The following PADI1 variants were observed in gnomAD, a reference collection of about 807,000 sequenced individuals.
PADI1 encodes the protein peptidyl arginine deiminase 1, also known as protein-arginine deiminase type-1.
A neutral mutation model predicts 74.8 loss-of-function variants in PADI1; 65 were observed. The ratio of observed to expected loss-of-function variants is 0.87; its 90% CI spans 0.71 to 1.07. The LOEUF (loss-of-function observed/expected upper bound fraction) is 1.07. Among genes scored for constraint, PADI1 ranks in the 50% least tolerant of loss-of-function variants. PADI1 has a pLI of 0.00. For synonymous variants in PADI1, 371 were observed against 336.2 expected, an observed-to-expected ratio of 1.10 and a Z score of -1.13; for missense variants, 943 against 854.0, an observed-to-expected ratio of 1.10 and a Z score of -1.30.
Position 17,244,180 on chromosome 1 carries a change from C to G in PADI1, c.1929C>G (p.Ile643Met). 3 of 1,614,194 alleles carry G rather than the reference C, an allele frequency of 1.9e-6. No homozygotes were observed. The highest frequency in any genetic ancestry group is 2.5e-6 in the Non-Finnish European group (3 of 1,180,026). The change falls in exon 16 of 16, where the codon ATC becomes ATG. Residue 643 changes from isoleucine to methionine, a missense_variant. Ile to Met is a conservative substitution (Grantham distance 10). Coordinates refer to ENST00000375471, the MANE Select transcript of PADI1 (RefSeq NM_013358.3). ...CCTACCACGAGCTGCAGGGGGAGAT[C>G]CACTGTGGCACCAACGTGCGCAGGA... ...YLSYHELQGE[I>M]HCGTNVRRKP...
intron 1 of PADI1, among the ~76,000 whole-genome samples, chr1:17,212,647 A>T (rs1352830176): frequency 6.6e-6 from 1 of 152,166 alleles, no homozygotes; most frequent in Non-Finnish European, 1.5e-5. Context: ...ACGCAAAAGG[A>T]AAAGCTTTCT....
chr1:17,233,740 AC>A (rs1373644710), intron 11 of PADI1, among the ~76,000 whole-genome samples: 1 of 151,946 alleles, frequency 6.6e-6, no homozygotes, highest in South Asian at 2.1e-4. Flanking sequence ...GCCCCCACTT[AC>A]CCCCCAAGCC....
At chr1:17,220,747 G>A (rs2072124754) in intron 1 of PADI1, among the ~76,000 whole-genome samples, 1 of 152,226 alleles carries the variant, frequency 6.6e-6, no homozygotes, top group South Asian at 2.1e-4. Context: ...CAGAGTGTGA[G>A]CGCCACAGGC....
chr1:17,205,632 G>C lies in PADI1; in HGVS notation c.92+323G>C, dbSNP rs370372852. The stretch of plus-strand genomic sequence containing the variant: ...GCATTCTGACACCTAGGTAGAACTT[G>C]TGTGGAACATCAGATGGCTCAAGAT... On this transcript the variant is annotated intron_variant, in intron 1 of 15. Coordinates refer to ENST00000375471, the MANE Select transcript of PADI1 (RefSeq NM_013358.3). 3.9e-5 allele frequency among the ~76,000 whole-genome samples: 6 copies of C among 152,106 alleles called. No homozygotes were observed. In the East Asian group the frequency reaches 9.7e-4, roughly 24 times the overall value.
chr1:17,221,085 C>A (rs978515760), intron 1 of PADI1, among the ~76,000 whole-genome samples: 2 of 152,196 alleles, frequency 1.3e-5, no homozygotes, highest in African/African-American at 4.8e-5. Context: ...TCTGATGTAT[C>A]AGGTGAATGC....
chr1:17,207,827 G>C (rs988274354), intron 1 of PADI1, among the ~76,000 whole-genome samples: 2 of 152,258 alleles, frequency 1.3e-5, no homozygotes, highest in African/African-American at 4.8e-5. Context: ...TCACCTGGGT[G>C]TTGGTGGTGA....
chr1:17,223,233 G>A (rs777636019), intron 2 of PADI1, among the ~76,000 whole-genome samples: 1 of 152,152 alleles, frequency 6.6e-6, no homozygotes, highest in Non-Finnish European at 1.5e-5. Context: ...ATGGAGTGGG[G>A]GTTCTCATTC....
At chr1:17,224,852 G>A (rs966878716) in intron 4 of PADI1, among the ~76,000 whole-genome samples, 1 of 152,110 alleles carries the variant, frequency 6.6e-6, no homozygotes, top group African/African-American at 2.4e-5. Flanking sequence ...TGAAGAGTAA[G>A]GAGGAGGACA....
At position 17,228,725 on chromosome 1, in the gene PADI1, G is replaced by A. The variant is rs766075940; in HGVS notation, c.753G>A (p.Val251=). ...QPGEQEIKFY[V]EGLTFPDADF... ...GGGAGCAGGAGATCAAGTTCTATGTGGAGGGGCTGACCTTCCCCGATGCCG... is the reference window on the plus strand; with the variant it reads ...GGGAGCAGGAGATCAAGTTCTATGTAGAGGGGCTGACCTTCCCCGATGCCG... Residue 251 remains valine, a synonymous_variant, in exon 7 of 16, where the codon GTG becomes GTA. Coordinates refer to ENST00000375471, the MANE Select transcript of PADI1 (RefSeq NM_013358.3). 14 of 1,614,102 alleles carry A rather than the reference G, an allele frequency of 8.7e-6. No individual in the cohort carries two copies. Among genetic ancestry groups the A allele is most frequent in the Middle Eastern group, 3.3e-4 (2 of 6,084 alleles).
intron 11 of PADI1, among the ~76,000 whole-genome samples, chr1:17,234,634 T>C (rs990052182): frequency 6.6e-6 from 1 of 152,232 alleles, no homozygotes; most frequent in Non-Finnish European, 1.5e-5. Flanking sequence ...AAAAGTTAAG[T>C]TACGTGCATT....
chr1:17,225,960 G>A lies in PADI1; in HGVS notation c.526+32G>A, dbSNP rs376832336. 4 of 1,611,884 alleles carry A rather than the reference G, an allele frequency of 2.5e-6. No individual in the cohort carries two copies. In the African/African-American group the frequency reaches 5.3e-5, roughly 22 times the overall value. On this transcript the variant is annotated intron_variant, in intron 5 of 15. Coordinates refer to ENST00000375471, the MANE Select transcript of PADI1 (RefSeq NM_013358.3). ...GACACAAGGTGTTGTCTGGGGAGTG[G>A]GGAAGGGGGATGGAAGTGGATCCTG... is the stretch of plus-strand genomic sequence containing the variant.
At chr1:17,227,657 C>T in intron 6 of PADI1, among the ~76,000 whole-genome samples, 1 of 152,212 alleles carries the variant, frequency 6.6e-6, no homozygotes, top group East Asian at 1.9e-4. Context: ...TCCCGATTCC[C>T]CTTCACCCTT....
chr1:17,230,268 C>T (rs2072450672), intron 9 of PADI1, 60 bp downstream of exon 9: 3 of 1,578,720 alleles, frequency 1.9e-6, no homozygotes, highest in African/African-American at 1.3e-5. Flanking sequence ...GGAAGCCGCA[C>T]AGGTGCCTGA....
At chr1:17,208,920 A>G (rs1018148363) in intron 1 of PADI1, among the ~76,000 whole-genome samples, 25 of 152,212 alleles carry the variant, frequency 1.6e-4, no homozygotes, top group African/African-American at 5.5e-4. Context: ...TGTAGGAGAC[A>G]GGGACATTCT....
chr1:17,225,716 T>C, intron 4 of PADI1, 95 bp from the exon 5 acceptor site: 1 of 793,348 alleles, frequency 1.3e-6, no homozygotes, highest in Non-Finnish European at 2.1e-6. Flanking sequence ...TGAAAATCTA[T>C]AATCTAATAA....
chr1:17,236,883 G>A (rs2072655984), intron 11 of PADI1, among the ~76,000 whole-genome samples: 1 of 152,242 alleles, frequency 6.6e-6, no homozygotes. Flanking sequence ...ATATTCCAGG[G>A]TGTAGAAACA....
chr1:17,234,857 C>T (rs901588958), intron 11 of PADI1, among the ~76,000 whole-genome samples: 7 of 152,224 alleles, frequency 4.6e-5, no homozygotes, highest in East Asian at 1.9e-4. Flanking sequence ...GGGCAGCCAA[C>T]GATATTGACG....
At chr1:17,213,131 TAA>T (rs2071877230) in intron 1 of PADI1, among the ~76,000 whole-genome samples, 1 of 151,228 alleles carries the variant, frequency 6.6e-6, no homozygotes, top group Non-Finnish European at 1.5e-5. Flanking sequence ...GTGACCTGAG[TAA>T]AGTTACTTAA....
Position 17,244,466 on chromosome 1 carries a change from T to G in PADI1, c.*223T>G. The G allele has an allele frequency of 1.5e-6, 1 of 645,926 alleles. No individual in the cohort carries two copies. Among genetic ancestry groups the G allele is most frequent in the African/African-American group, 1.8e-5 (1 of 56,176 alleles). The allele number at this position is 645,926 out of a possible 1,614,324, so 40.0% of individuals were successfully genotyped here. A position where few individuals can be genotyped will look rare whatever the true frequency, so the allele number is the denominator to read the frequency against. ...GAATGCACCTCATTCTTCCCTGGCC[T>G]CTTTCCCACCCACAGCCCCCAGAGG... On this transcript the variant is annotated 3_prime_UTR_variant, in exon 16 of 16. Transcript: ENST00000375471.
Sources: gnomAD v4.1 joint callset for allele counts (sites outside exome capture counted in the v4.1 genomes callset) on GRCh38, gnomAD v4.1.1 for gene constraint, MANE v1.5 for transcripts, NCBI Gene and HGNC (gene_info 2026-07-23, HGNC 2026-07-21) for gene names.